Variants in NUP107 observed in about 807,000 individuals in gnomAD.
NUP107 encodes nucleoporin 107.
Under a neutral mutation model 141.0 loss-of-function variants are expected in NUP107, and 101 were observed. The observed-to-expected ratio is 0.72, with a 90% CI of 0.61 to 0.84. NUP107 has a LOEUF of 0.84. Among genes scored for constraint, NUP107 ranks in the 40% least tolerant of loss-of-function variants. NUP107 has a pLI of 0.00. For synonymous variants in NUP107, 319 were observed against 363.9 expected (o/e 0.88, Z 1.41); for missense variants, 941 against 1,102.7 (o/e 0.85, Z 2.08).
intron 5 of NUP107, among the ~76,000 whole-genome samples, chr12:68,692,493 C>A (rs182847113): frequency 6.6e-6 from 1 of 151,548 alleles, no homozygotes; most frequent in Non-Finnish European, 1.5e-5. Flanking sequence ...GCAGGAGAAT[C>A]GCTTGAACCC....
intron 17 of NUP107, among the ~76,000 whole-genome samples, chr12:68,723,425 G>A (rs1592514093): frequency 6.6e-6 from 1 of 151,990 alleles, no homozygotes; most frequent in East Asian, 1.9e-4. Context: ...AAATTAAATA[G>A]GTAGGTAGGT....
chr12:68,687,240 C>A (rs535878441), intron 1 of NUP107, 167 bp downstream of exon 1: 1 of 979,212 alleles, frequency 1.0e-6, no homozygotes, highest in Non-Finnish European at 1.5e-6. Flanking sequence ...GGGAAAAAGC[C>A]GCTTGGCGTG....
chr12:68,740,626 T>C (rs1878283892), intron 26 of NUP107, among the ~76,000 whole-genome samples: 1 of 152,200 alleles, frequency 6.6e-6, no homozygotes, highest in Non-Finnish European at 1.5e-5. Flanking sequence ...CACATGAAGA[T>C]ACTTTTAGGT....
intron 11 of NUP107, 100 bp from the exon 12 acceptor site, chr12:68,715,527 G>T (rs984109947): frequency 4.3e-6 from 3 of 704,552 alleles, no homozygotes; most frequent in East Asian, 2.5e-5. Context: ...ATTTATTTGT[G>T]TATAAACTCA....
chr12:68,691,595 A>T (rs986319673), intron 4 of NUP107, among the ~76,000 whole-genome samples: 1 of 152,170 alleles, frequency 6.6e-6, no homozygotes, highest in Admixed American at 6.5e-5. Flanking sequence ...GCATTTTGGG[A>T]GGCTGAGGCA....
intron 20 of NUP107, among the ~76,000 whole-genome samples, chr12:68,728,699 G>A (rs867158076): frequency 1.1e-4 from 16 of 148,728 alleles, no homozygotes; most frequent in African/African-American, 3.5e-4. Flanking sequence ...CGTGAACCAC[G>A]ACACCCGGCC....
intron 5 of NUP107, among the ~76,000 whole-genome samples, chr12:68,693,175 T>G (rs1875899575): frequency 6.6e-6 from 1 of 152,014 alleles, no homozygotes. Context: ...CCTGCTGTAT[T>G]CAAGTGATTC....
chr12:68,705,630 C>A, intron 8 of NUP107: 1 of 534,424 alleles, frequency 1.9e-6, no homozygotes. Context: ...CTCCTGCCTC[C>A]ACCATGTCCA....
chr12:68,694,443 T>C (rs904652994), intron 5 of NUP107, among the ~76,000 whole-genome samples: 6 of 152,206 alleles, frequency 3.9e-5, no homozygotes, highest in Non-Finnish European at 8.8e-5. Context: ...TTTTAAACTT[T>C]TGTGCACGAA....
chr12:68,727,935 A>G (rs888404731), intron 20 of NUP107, among the ~76,000 whole-genome samples: 8 of 152,198 alleles, frequency 5.3e-5, no homozygotes, highest in Non-Finnish European at 8.8e-5. Context: ...TCAAAGCTCA[A>G]CTGTACTGTA....
At chr12:68,726,025 C>T (rs1478984991) in intron 18 of NUP107, among the ~76,000 whole-genome samples, 2 of 151,598 alleles carry the variant, frequency 1.3e-5, no homozygotes, top group East Asian at 3.9e-4. Flanking sequence ...TTAGTAGAGA[C>T]GGGGTTTCGC....
At chr12:68,737,536 A>C (rs1489072720) in intron 26 of NUP107, among the ~76,000 whole-genome samples, 1 of 132,546 alleles carries the variant, frequency 7.5e-6, no homozygotes, top group South Asian at 2.8e-4. Flanking sequence ...ACTTCAGCCT[A>C]GGTGACAGAG....
In NUP107 at chr12:68,722,110, G is replaced by A. The variant is rs141815885; in HGVS notation, c.1464G>A (p.Thr488=). The A allele has an allele frequency of 6.3e-5, 101 of 1,613,282 alleles. No homozygotes were observed. In the African/African-American group the frequency reaches 7.5e-4, roughly 12 times the overall value. ...CCCGTTGTTTCTTTTGAAGCTGGAC[G>A]TTAGAAAAGGTTTTTGAGGAACTTC... The part of the protein sequence containing the change: ...LPREYLGANW[T]LEKVFEELQA... The change falls in exon 17 of 28, where the codon ACG becomes ACA. Residue 488 remains threonine (T), a synonymous_variant. Transcript: ENST00000229179.
rs1201685613 is a variant in NUP107, at chr12:68,721,196, T to A, written c.1311+19T>A. On this transcript the variant is annotated intron_variant, in intron 15 of 27. Transcript: ENST00000229179. ...TAAGCAGGTATGCAATCTGTTTTAA[T>A]GTTTAAATTTTTTCTGTGGAGTAAA... 6.4e-7 allele frequency: 1 copy of A among 1,557,036 alleles called. No homozygotes were observed. The highest frequency in any genetic ancestry group is 1.8e-5 in the Admixed American group (1 of 56,832).
At chr12:68,719,749 T>C in intron 14 of NUP107, 95 bp downstream of exon 14, 5 of 879,596 alleles carry the variant, frequency 5.7e-6, no homozygotes, top group Non-Finnish European at 9.2e-6. Context: ...AGTGTAAAAC[T>C]GGTTTTCAGA....
In NUP107 at chr12:68,741,920, G is replaced by T. The variant is rs1285930317; in HGVS notation, c.2610G>T (p.Gln870His). 4.3e-6 allele frequency: 7 copies of T among 1,612,290 alleles called. No homozygotes were observed. The highest frequency in any genetic ancestry group is 4.2e-6 in the Non-Finnish European group (5 of 1,178,924). The change falls in exon 27 of 28, where the codon CAG (glutamine) becomes CAT (histidine). Residue 870 changes from glutamine (Q) to histidine (H), a missense_variant. Transcript: ENST00000229179. Reference sequence around the variant, plus strand: ...ATACGATATTGCACAGTACTGGTCAGTATCAGGAATGCCTACAGTTAGCAG... The same window carrying T: ...ATACGATATTGCACAGTACTGGTCATTATCAGGAATGCCTACAGTTAGCAG... The part of the protein sequence containing the change: ...LLHTILHSTG[Q>H]YQECLQLADM...
chr12:68,698,109 C>T (rs1188587396), intron 6 of NUP107, among the ~76,000 whole-genome samples: 1 of 151,680 alleles, frequency 6.6e-6, no homozygotes, highest in Non-Finnish European at 1.5e-5. Context: ...GATACTACAA[C>T]ATACCTATTA....
At chr12:68,726,985 G>T (rs1279518143) in intron 19 of NUP107, among the ~76,000 whole-genome samples, 7 of 152,126 alleles carry the variant, frequency 4.6e-5, no homozygotes, top group African/African-American at 1.7e-4. Context: ...TAACATTTTG[G>T]TCAGAGTGCA....
Position 68,713,779 on chromosome 12 carries a change from G to A in NUP107, c.940G>A (p.Gly314Arg). 1 of 1,610,378 alleles carries A rather than the reference G, an allele frequency of 6.2e-7. No individual in the cohort carries two copies. The highest frequency in any genetic ancestry group is 8.5e-7 in the Non-Finnish European group (1 of 1,178,682). ...ACAACGGCAGCTGACTTCTTACGTT[G>A]GAAGTGTTCGTCCGCTTGTCACTGA... The part of the protein sequence containing the change: ...LKQRQLTSYV[G>R]SVRPLVTELD... Residue 314 changes from glycine (G) to arginine (R), a missense_variant, in exon 11 of 28, where the codon GGA becomes AGA. Coordinates refer to ENST00000229179, the MANE Select transcript of NUP107 (RefSeq NM_020401.4).
Sources: allele counts gnomAD v4.1 joint callset (sites outside exome capture counted in the v4.1 genomes callset), GRCh38; gene constraint gnomAD v4.1.1; transcripts MANE v1.5; gene names NCBI Gene and HGNC (gene_info 2026-07-23, HGNC 2026-07-21).